Variants in TMEM263 observed in about 807,000 individuals in gnomAD.
TMEM263 encodes UPF0444 transmembrane protein C12orf23.
Under a neutral mutation model 8.6 loss-of-function variants are expected in TMEM263, and 5 were observed. The ratio of observed to expected loss-of-function variants is 0.58; its 90% CI spans 0.31 to 1.23. The LOEUF is 1.23. Among genes scored for constraint, TMEM263 ranks in the 50% most tolerant of loss-of-function variants. The pLI, the probability that TMEM263 is intolerant of heterozygous loss-of-function variation, is 0.07. For synonymous variants in TMEM263, 50 were observed against 47.9 expected (o/e 1.04, Z -0.18); for missense variants, 104 against 138.8 (o/e 0.75, Z 1.26).
intron 2 of TMEM263, among the ~76,000 whole-genome samples, chr12:106,957,871 G>A (rs191340034): frequency 6.6e-6 from 1 of 152,280 alleles, no homozygotes; most frequent in African/African-American, 2.4e-5. Flanking sequence ...GATTTAATGG[G>A]CAGGGGCCAT....
rs55948879 is a variant in TMEM263, at chr12:106,957,165, CGTGTGT to C, written c.-7+57_-7+62del. The C allele has an allele frequency of 0.042, 35,320 of 845,550 alleles. 497 individuals carry two copies. The highest frequency in any genetic ancestry group is 0.046 in the Admixed American group (744 of 16,008). The allele number at this position is 845,550 out of a possible 1,614,324, so 52.4% of individuals were successfully genotyped here. ...ACACCAACAGGTAAACGCGCGCGCC[CGTGTGT>C]GTGTGTGTGTGTGTGTGTGTGTGTG... On this transcript the variant is annotated intron_variant, in intron 2 of 3. Coordinates refer to ENST00000280756, the MANE Select transcript of TMEM263 (RefSeq NM_152261.4).
rs1360165075 is a variant in TMEM263, at chr12:106,971,943, A to G, written c.*552A>G. 1.3e-5 allele frequency: 2 copies of G among 152,724 alleles called. No homozygotes were observed. The highest frequency in any genetic ancestry group is 2.9e-5 in the Non-Finnish European group (2 of 68,084). 9.5% of individuals were successfully genotyped at this position (152,724 alleles called of 1,614,324 possible). A position where few individuals can be genotyped will look rare whatever the true frequency, so the allele number is the denominator to read the frequency against. ...AAATGGTTTTATGATAATGTTAACC[A>G]TCTTTTGTTAGTAAATATGCGTTCT... On this transcript the variant is annotated 3_prime_UTR_variant, in exon 4 of 4. Transcript: ENST00000280756.
chr12:106,971,202 T>G lies in TMEM263; in HGVS notation c.162T>G (p.Ile54Met). Residue 54 changes from isoleucine to methionine, a missense_variant, in exon 4 of 4, where the codon ATT becomes ATG. Coordinates refer to ENST00000280756, the MANE Select transcript of TMEM263 (RefSeq NM_152261.4). ...SVTKGAVGAT[I>M]GGVAWIGGKS... ...CAAAGGGAGCTGTTGGTGCCACCATTGGTGGTGTGGCTTGGATTGGTGGAA... is the reference window on the plus strand; with the variant it reads ...CAAAGGGAGCTGTTGGTGCCACCATGGGTGGTGTGGCTTGGATTGGTGGAA... 1 of 1,614,178 alleles carries G rather than the reference T, an allele frequency of 6.2e-7. No homozygotes were observed. Among genetic ancestry groups the G allele is most frequent in the South Asian group, 1.1e-5 (1 of 91,076 alleles).
At chr12:106,956,779 G>C (rs1433356145) in intron 1 of TMEM263, 2 of 152,416 alleles carry the variant, frequency 1.3e-5, no homozygotes, top group Non-Finnish European at 2.9e-5. Context: ...CTTCGGGAGT[G>C]GGGGGAGTGC....
intron 2 of TMEM263, among the ~76,000 whole-genome samples, chr12:106,957,774 T>C (rs1327509576): frequency 6.6e-6 from 1 of 152,230 alleles, no homozygotes; most frequent in East Asian, 1.9e-4. Context: ...TTATTACTCG[T>C]CTAAGTGGGC....
Position 106,973,254 on chromosome 12 carries a change from C to A in TMEM263, c.*1863C>A, listed in dbSNP as rs1201502474. 1 of 152,100 alleles carries A rather than the reference C, an allele frequency of 6.6e-6. No homozygotes were observed. Among genetic ancestry groups the A allele is most frequent in the Non-Finnish European group, 1.5e-5 (1 of 67,890 alleles). The allele number at this position is 152,100 out of a possible 1,614,324, so 9.4% of individuals were successfully genotyped here. ...GCAAACGGGATTAAAAAAAAAACTC[C>A]AAAATCACTAAATAATTATCTAAAT... On this transcript the variant is annotated 3_prime_UTR_variant, in exon 4 of 4. Transcript: ENST00000280756.
At chr12:106,956,254 T>C (rs1280969277) in intron 1 of TMEM263, among the ~76,000 whole-genome samples, 189 bp downstream of exon 1, 3 of 152,112 alleles carry the variant, frequency 2.0e-5, no homozygotes, top group Non-Finnish European at 4.4e-5. Flanking sequence ...GGAGGTTCGC[T>C]TCTGGGGCTA....
Position 106,967,142 on chromosome 12 carries a change from A to C in TMEM263, c.26A>C (p.Gln9Pro). ...ATGAATCAGACAGATAAAAATCAAC[A>C]AGAAATCCCATCATACCTTAATGAT... MNQTDKNQ[Q>P]EIPSYLNDEP... The change falls in exon 3 of 4, where the codon CAA (glutamine) becomes CCA (proline). Residue 9 changes from glutamine to proline, a missense_variant. Transcript: ENST00000280756. 6.2e-7 allele frequency: 1 copy of C among 1,601,898 alleles called. No individual in the cohort carries two copies.
chr12:106,961,366 A>G (rs1056679761), intron 2 of TMEM263, among the ~76,000 whole-genome samples: 13 of 147,106 alleles, frequency 8.8e-5, no homozygotes, highest in African/African-American at 2.8e-4. Flanking sequence ...TTTTCTTTTT[A>G]TTCTACTTAT....
intron 2 of TMEM263, among the ~76,000 whole-genome samples, chr12:106,964,779 G>A (rs530678784): frequency 6.6e-6 from 1 of 152,300 alleles, no homozygotes; most frequent in African/African-American, 2.4e-5. Context: ...ACGTTTTAAA[G>A]TCATAAGAAG....
intron 2 of TMEM263, among the ~76,000 whole-genome samples, chr12:106,961,224 A>ATTTTTTTTTTT (rs554707654): frequency 2.7e-5 from 2 of 75,128 alleles, no homozygotes; most frequent in African/African-American, 6.1e-5. Flanking sequence ...TGCCCAGTCA[A>ATTTTTTTTTTT]TTTTTTTTTT....
At chr12:106,957,472 T>C (rs1476603252) in intron 2 of TMEM263, among the ~76,000 whole-genome samples, 2 of 152,086 alleles carry the variant, frequency 1.3e-5, no homozygotes, top group Non-Finnish European at 2.9e-5. Flanking sequence ...TTTTTTTAAC[T>C]ACAGGAAAAT....
At chr12:106,961,267 A>G in intron 2 of TMEM263, among the ~76,000 whole-genome samples, 1 of 84,738 alleles carries the variant, frequency 1.2e-5, no homozygotes, top group Admixed American at 1.7e-4. Flanking sequence ...TTTTGTGGAG[A>G]CGGAGTCTCA....
At chr12:106,963,436 G>A (rs931532838) in intron 2 of TMEM263, among the ~76,000 whole-genome samples, 1 of 152,150 alleles carries the variant, frequency 6.6e-6, no homozygotes, top group African/African-American at 2.4e-5. Flanking sequence ...AGAATTTACC[G>A]ATAATTAGAT....
intron 1 of TMEM263, 38 bp downstream of exon 1, chr12:106,956,103 C>A: frequency 1.1e-6 from 1 of 948,950 alleles, no homozygotes; most frequent in Non-Finnish European, 1.3e-6. Flanking sequence ...GGCGCAGTCC[C>A]GGCTTCCTGC....
intron 3 of TMEM263, among the ~76,000 whole-genome samples, chr12:106,970,443 G>C (rs1261952723): frequency 6.6e-6 from 1 of 152,138 alleles, no homozygotes; most frequent in Non-Finnish European, 1.5e-5. Flanking sequence ...ATACATTTTA[G>C]CAAATCTCTT....
chr12:106,960,913 A>G (rs1344147590), intron 2 of TMEM263, among the ~76,000 whole-genome samples: 2 of 152,188 alleles, frequency 1.3e-5, no homozygotes, highest in Non-Finnish European at 2.9e-5. Flanking sequence ...TCTCTAGCTT[A>G]GAGTTTTCTT....
chr12:106,960,074 A>T (rs1218395002), intron 2 of TMEM263, among the ~76,000 whole-genome samples: 9 of 151,986 alleles, frequency 5.9e-5, no homozygotes, highest in Admixed American at 5.9e-4. Flanking sequence ...CTGCCCTGTC[A>T]CCCAGGCTGG....
intron 2 of TMEM263, among the ~76,000 whole-genome samples, chr12:106,965,163 C>A (rs745570948): frequency 6.6e-6 from 1 of 152,202 alleles, no homozygotes; most frequent in South Asian, 2.1e-4. Flanking sequence ...CTTGCTGATC[C>A]AGGTAAGCTC....
Sources: allele counts gnomAD v4.1 joint callset (sites outside exome capture counted in the v4.1 genomes callset), GRCh38; gene constraint gnomAD v4.1.1; transcripts MANE v1.5; gene names NCBI Gene and HGNC (gene_info 2026-07-23, HGNC 2026-07-21).